Variants in FANCC observed in about 807,000 individuals in gnomAD.
The protein encoded by FANCC is FA complementation group C, also known as Fanconi anemia group C protein.
In FANCC, 55 loss-of-function variants were observed where a neutral mutation model predicts 71.3. The ratio of observed to expected loss-of-function variants is 0.77; its 90% confidence interval spans 0.62 to 0.97. FANCC has a LOEUF of 0.97. Ranked by LOEUF, FANCC falls within the 50% of genes least tolerant of loss-of-function variation. FANCC has a pLI of 0.00. For synonymous variants in FANCC, 275 were observed against 244.9 expected (o/e 1.12, Z -1.15); for missense variants, 678 against 670.9 (o/e 1.01, Z -0.12).
At chr9:95,175,998 G>A (rs184747302) in intron 4 of FANCC, among the ~76,000 whole-genome samples, 2 of 152,330 alleles carry the variant, frequency 1.3e-5, no homozygotes, top group Admixed American at 1.3e-4. Context: ...TCAGAAGAAT[G>A]CAACCTTCTG....
chr9:95,228,901 C>T lies in FANCC; in HGVS notation c.345+11748G>A, dbSNP rs189058647. ...ATATGAGAGAAAATCAGTAACACCC[C>T]ACAGCCAGGTCACAGAGGGCCTCAT... On this transcript the variant is annotated intron_variant, in intron 4 of 14. Transcript: ENST00000289081. 2.2e-4 allele frequency among the ~76,000 whole-genome samples: 33 copies of T among 152,270 alleles called. No homozygotes were observed. In the East Asian group the frequency reaches 6.4e-3, roughly 29 times the overall value.
chr9:95,233,648 G>T (rs4237226), intron 4 of FANCC, among the ~76,000 whole-genome samples: 34,165 of 152,072 alleles, frequency 0.22, 4,978 homozygotes, highest in Non-Finnish European at 0.33. Flanking sequence ...GGAGATATTA[G>T]GGTTGAGAAA....
intron 1 of FANCC, among the ~76,000 whole-genome samples, chr9:95,268,429 A>G (rs944765680): frequency 6.6e-6 from 1 of 152,236 alleles, no homozygotes; most frequent in Non-Finnish European, 1.5e-5. Context: ...TAGCTGCTGC[A>G]TGAACTCGAT....
At chr9:95,267,654 TA>T (rs1832456388) in intron 1 of FANCC, among the ~76,000 whole-genome samples, 1 of 152,062 alleles carries the variant, frequency 6.6e-6, no homozygotes, top group Admixed American at 6.6e-5. Flanking sequence ...ATTTAGATGC[TA>T]AAAAATCCTA....
intron 4 of FANCC, among the ~76,000 whole-genome samples, chr9:95,208,626 T>C (rs1410676550): frequency 2.0e-5 from 3 of 151,978 alleles, no homozygotes; most frequent in African/African-American, 4.8e-5. Flanking sequence ...AAATGAAAAA[T>C]AGCATACAAA....
At chr9:95,106,413 TTG>T (rs1004310457) in intron 14 of FANCC, among the ~76,000 whole-genome samples, 20 of 152,268 alleles carry the variant, frequency 1.3e-4, no homozygotes, top group Non-Finnish European at 2.4e-4. Context: ...ATTCTGTGAA[TTG>T]TGTTTTCACT....
At position 95,184,550 on chromosome 9, in the gene FANCC, G is replaced by C. The variant is rs376376290; in HGVS notation, c.346-12403C>G. On this transcript the variant is annotated intron_variant, in intron 4 of 14. Coordinates refer to ENST00000289081, the MANE Select transcript of FANCC (RefSeq NM_000136.3). Reference sequence around the variant, plus strand: ...AAACTGTTAAAAATACATGTGAAAGGTCTGCATAAAGGAAGACCTTGGATC... The same window carrying C: ...AAACTGTTAAAAATACATGTGAAAGCTCTGCATAAAGGAAGACCTTGGATC... Among the ~76,000 whole-genome samples the C allele has an allele frequency of 3.3e-5, 5 of 152,182 alleles. No homozygotes were observed. The East Asian group carries it at 5.8e-4, about 18-fold the overall frequency.
At chr9:95,204,439 C>T (rs111311631) in intron 4 of FANCC, among the ~76,000 whole-genome samples, 2,048 of 152,246 alleles carry the variant, frequency 0.013, 53 homozygotes, top group African/African-American at 0.046. Flanking sequence ...TCTCAGGCAG[C>T]CCACTTGGTG....
At chr9:95,182,436 C>A (rs371997563) in intron 4 of FANCC, among the ~76,000 whole-genome samples, 1 of 152,148 alleles carries the variant, frequency 6.6e-6, no homozygotes, top group Non-Finnish European at 1.5e-5. Context: ...AGGAGAATGG[C>A]GTGAACCCAG....
intron 4 of FANCC, among the ~76,000 whole-genome samples, chr9:95,227,932 T>C (rs1338400601): frequency 6.6e-6 from 1 of 152,236 alleles, no homozygotes; most frequent in Non-Finnish European, 1.5e-5. Flanking sequence ...TTGTTCTTCA[T>C]GTTGCAAACT....
At chr9:95,291,947 C>CAAAAA (rs775436297) in intron 1 of FANCC, among the ~76,000 whole-genome samples, 18 of 40,824 alleles carry the variant, frequency 4.4e-4, no homozygotes, top group African/African-American at 8.3e-4. Flanking sequence ...GACTCTGTCT[C>CAAAAA]AAAAAAAAAA....
At chr9:95,135,315 A>G in intron 8 of FANCC, 31 bp downstream of exon 8, 1 of 1,609,056 alleles carries the variant, frequency 6.2e-7, no homozygotes, top group Non-Finnish European at 8.5e-7. Context: ...TCCTTCAAGG[A>G]TTTTTCCCTT....
intron 4 of FANCC, among the ~76,000 whole-genome samples, chr9:95,173,414 A>C (rs897234457): frequency 3.3e-5 from 5 of 152,160 alleles, no homozygotes; most frequent in Non-Finnish European, 7.3e-5. Context: ...TATAGAAAGC[A>C]ACTTGAAAAA....
rs370346767 is a variant in FANCC, at chr9:95,150,055, C to A, written c.554G>T (p.Arg185Leu). ...MAPERVASLS[R>L]VCVPLITLTD... is the part of the protein sequence containing the mutation. The stretch of plus-strand genomic sequence containing the variant: ...CAGGGTAATAAGTGGGACACAAACT[C>A]GTGACAGGGACGCCACTCGCTCGGG... Residue 185 changes from arginine to leucine, a missense_variant, in exon 7 of 15, where the codon CGA becomes CTA. Transcript: ENST00000289081. The A allele has an allele frequency of 6.2e-7, 1 of 1,614,012 alleles. No individual in the cohort carries two copies. The highest frequency in any genetic ancestry group is 2.2e-5 in the East Asian group (1 of 44,862).
intron 11 of FANCC, among the ~76,000 whole-genome samples, chr9:95,117,053 G>A (rs1280751652): frequency 6.6e-6 from 1 of 152,200 alleles, no homozygotes; most frequent in African/African-American, 2.4e-5. Flanking sequence ...GTGTTATCTG[G>A]AGGCAGACTA....
chr9:95,258,102 A>G (rs1051343151), intron 1 of FANCC, among the ~76,000 whole-genome samples: 1 of 152,244 alleles, frequency 6.6e-6, no homozygotes, highest in Non-Finnish European at 1.5e-5. Flanking sequence ...GCCGAATTCT[A>G]CCAGAGGTAC....
chr9:95,251,408 T>C (rs1831320907), intron 1 of FANCC, among the ~76,000 whole-genome samples: 1 of 152,162 alleles, frequency 6.6e-6, no homozygotes. Context: ...CTCCACCTCC[T>C]GGGTTCAAGC....
At chr9:95,254,767 C>G (rs1831558626) in intron 1 of FANCC, among the ~76,000 whole-genome samples, 1 of 152,134 alleles carries the variant, frequency 6.6e-6, no homozygotes, top group Non-Finnish European at 1.5e-5. Context: ...AGCCAGGGAG[C>G]CAAGTGGTCT....
At chr9:95,239,596 C>G (rs1052508984) in intron 4 of FANCC, among the ~76,000 whole-genome samples, 5 of 152,176 alleles carry the variant, frequency 3.3e-5, no homozygotes, top group African/African-American at 1.2e-4. Context: ...TTTCTTCAGC[C>G]TTGTTACACA....
Sources: allele counts gnomAD v4.1 joint callset (sites outside exome capture counted in the v4.1 genomes callset), GRCh38; gene constraint gnomAD v4.1.1; transcripts MANE v1.5; gene names NCBI Gene and HGNC (gene_info 2026-07-23, HGNC 2026-07-21).